ST8SIA6: variants seen among roughly 807,000 people sequenced by gnomAD.
ST8SIA6 encodes the protein alpha-2,8-sialyltransferase 8F.
ST8SIA6 carries 39 observed loss-of-function variants against 33.6 expected under a neutral mutation model. The ratio of observed to expected loss-of-function variants is 1.16; its 90% confidence interval spans 0.90 to 1.52. The LOEUF (loss-of-function observed/expected upper bound fraction) is 1.52. Ranked by LOEUF, ST8SIA6 falls within the 40% of genes most tolerant of loss-of-function variation. The pLI, the probability that ST8SIA6 is intolerant of heterozygous loss-of-function variation, is 0.00. For missense variants in ST8SIA6, 441 were observed against 443.8 expected (o/e 0.99, Z 0.06); for synonymous variants, 172 against 167.2 (o/e 1.03, Z -0.22).
At chr10:17,357,836 A>G (rs1169984536) in intron 4 of ST8SIA6, among the ~76,000 whole-genome samples, 1 of 152,198 alleles carries the variant, frequency 6.6e-6, no homozygotes, top group Non-Finnish European at 1.5e-5. Context: ...ATTATCTTAG[A>G]TTGATCCTCA....
At chr10:17,426,114 G>GA (rs1851931907) in intron 2 of ST8SIA6, among the ~76,000 whole-genome samples, 1 of 152,140 alleles carries the variant, frequency 6.6e-6, no homozygotes, top group South Asian at 2.1e-4. Flanking sequence ...CCACCCTGCT[G>GA]ATACTACAAA....
At chr10:17,364,168 T>C (rs1849484981) in intron 3 of ST8SIA6, among the ~76,000 whole-genome samples, 1 of 152,264 alleles carries the variant, frequency 6.6e-6, no homozygotes, top group Non-Finnish European at 1.5e-5. Context: ...ACATTAAAAT[T>C]GCCATCCATG....
chr10:17,405,856 G>A (rs961034263), intron 2 of ST8SIA6, among the ~76,000 whole-genome samples: 34 of 146,430 alleles, frequency 2.3e-4, no homozygotes, highest in Admixed American at 4.2e-4. Context: ...TTGCACTCCA[G>A]CCTGGGCAAG....
chr10:17,454,472 T>C lies in ST8SIA6; in HGVS notation c.-217A>G, dbSNP rs1183084716. The stretch of plus-strand genomic sequence containing the variant: ...AGCCGCGTTCGGGCTCGCCCCGGGC[T>C]CCCGGCCCCGGCCCGCGGAGCGCCG... On this transcript the variant is annotated 5_prime_UTR_variant, in exon 1 of 8. Coordinates refer to ENST00000377602, the MANE Select transcript of ST8SIA6 (RefSeq NM_001004470.3). This position sits in a 1 kb window ranked among gnomAD's most constrained non-coding sequence, Gnocchi z 4.1. The C allele has an allele frequency of 6.4e-6, 1 of 156,060 alleles. No homozygotes were observed. The highest frequency in any genetic ancestry group is 1.4e-5 in the Non-Finnish European group (1 of 70,712). The allele number at this position is 156,060 out of a possible 1,614,324, so 9.7% of individuals were successfully genotyped here. A position where few individuals can be genotyped will look rare whatever the true frequency, so the allele number is the denominator to read the frequency against.
intron 3 of ST8SIA6, among the ~76,000 whole-genome samples, chr10:17,378,539 G>A (rs1450020289): frequency 1.3e-5 from 2 of 152,106 alleles, no homozygotes; most frequent in Non-Finnish European, 2.9e-5. Context: ...CTGATGTGTG[G>A]AGGGTGCCAC....
intron 2 of ST8SIA6, among the ~76,000 whole-genome samples, chr10:17,393,639 C>T (rs1268010512): frequency 2.0e-5 from 3 of 152,178 alleles, no homozygotes; most frequent in Non-Finnish European, 4.4e-5. Context: ...TTCAGCACAC[C>T]TGTGTCCATC....
At chr10:17,421,616 G>T (rs564737623) in intron 2 of ST8SIA6, among the ~76,000 whole-genome samples, 2 of 152,172 alleles carry the variant, frequency 1.3e-5, no homozygotes, top group Admixed American at 6.5e-5. Context: ...AGGCTAGAGT[G>T]TAGTGGTGTA....
intron 2 of ST8SIA6, among the ~76,000 whole-genome samples, chr10:17,415,154 T>G (rs2131700014): frequency 6.6e-6 from 1 of 152,238 alleles, no homozygotes; most frequent in East Asian, 1.9e-4. Flanking sequence ...AATTACTGCT[T>G]CCCCTTCCTC....
intron 3 of ST8SIA6, among the ~76,000 whole-genome samples, chr10:17,365,367 A>T (rs1588844157): frequency 1.3e-5 from 2 of 152,368 alleles, no homozygotes; most frequent in East Asian, 1.9e-4. Flanking sequence ...AAATGGTTAA[A>T]TATTTACAGT....
chr10:17,385,815 ATGT>A (rs1850322100), intron 3 of ST8SIA6, among the ~76,000 whole-genome samples: 1 of 152,110 alleles, frequency 6.6e-6, no homozygotes, highest in African/African-American at 2.4e-5. Context: ...CTTAGGGGAA[ATGT>A]TGTCAGGACT....
intron 4 of ST8SIA6, among the ~76,000 whole-genome samples, chr10:17,346,719 G>T (rs1396647141): frequency 1.3e-5 from 2 of 152,192 alleles, no homozygotes; most frequent in Non-Finnish European, 2.9e-5. Flanking sequence ...TGCAGCAATA[G>T]ATAACCAACA....
intron 2 of ST8SIA6, among the ~76,000 whole-genome samples, chr10:17,413,154 TA>T (rs909534183): frequency 6.6e-6 from 1 of 152,222 alleles, no homozygotes; most frequent in Non-Finnish European, 1.5e-5. Flanking sequence ...ATGCATTTTT[TA>T]ATTCAAGGAA....
intron 2 of ST8SIA6, among the ~76,000 whole-genome samples, chr10:17,435,183 T>C (rs1852213862): frequency 6.6e-6 from 1 of 152,236 alleles, no homozygotes. Context: ...TGAGCTGTTC[T>C]CTTGCCTCTC....
At chr10:17,392,406 A>G (rs1850650582) in intron 2 of ST8SIA6, among the ~76,000 whole-genome samples, 1 of 152,160 alleles carries the variant, frequency 6.6e-6, no homozygotes, top group South Asian at 2.1e-4. Flanking sequence ...TCACACCTCT[A>G]GTCCCAGCAC....
chr10:17,351,487 A>G (rs192969037), intron 4 of ST8SIA6, among the ~76,000 whole-genome samples: 5 of 146,984 alleles, frequency 3.4e-5, no homozygotes, highest in African/African-American at 1.3e-4. Flanking sequence ...ACCATCACAT[A>G]CTAGATGAAA....
At chr10:17,404,140 ATTG>A (rs908544251) in intron 2 of ST8SIA6, among the ~76,000 whole-genome samples, 15 of 151,380 alleles carry the variant, frequency 9.9e-5, no homozygotes, top group Non-Finnish European at 1.8e-4. Context: ...TGCCATGTGT[ATTG>A]TTTTAAGAAG....
rs568007054 is a variant in ST8SIA6 at position 17,334,127 on chromosome 10, C to T, written c.378-2575G>A. On this transcript the variant is annotated intron_variant, in intron 4 of 7. Coordinates refer to ENST00000377602, the MANE Select transcript of ST8SIA6 (RefSeq NM_001004470.3). Reference sequence around the variant, plus strand: ...AAACACACTTAGGTAGGGACCTACTCACCAATAGAAAATGCTCATGAATAT... The same window carrying T: ...AAACACACTTAGGTAGGGACCTACTTACCAATAGAAAATGCTCATGAATAT... Among the ~76,000 whole-genome samples, 24 of 152,028 alleles carry T rather than the reference C, an allele frequency of 1.6e-4. No individual in the cohort carries two copies. The South Asian group carries it at 5.0e-3, about 32-fold the overall frequency.
At chr10:17,369,817 G>A (rs1849675043) in intron 3 of ST8SIA6, among the ~76,000 whole-genome samples, 3 of 151,968 alleles carry the variant, frequency 2.0e-5, no homozygotes. Context: ...TGTTTTAAAA[G>A]TCTATTCTGT....
At chr10:17,347,417 G>C (rs1299309971) in intron 4 of ST8SIA6, among the ~76,000 whole-genome samples, 3 of 152,224 alleles carry the variant, frequency 2.0e-5, no homozygotes, top group East Asian at 1.9e-4. Context: ...CTGACACACA[G>C]AGTAGCGTAA....
Sources: gnomAD v4.1 joint callset for allele counts (sites outside exome capture counted in the v4.1 genomes callset) on GRCh38, gnomAD v4.1.1 for gene constraint, Gnocchi (gnomAD v3.1) non-coding constraint, MANE v1.5 for transcripts, NCBI Gene and HGNC (gene_info 2026-07-23, HGNC 2026-07-21) for gene names.